The following TRPM3 variants were observed in gnomAD, a reference collection of about 807,000 sequenced individuals.
TRPM3 encodes long transient receptor potential channel 3.
A neutral mutation model predicts 181.2 loss-of-function variants in TRPM3; 77 were observed. The ratio of observed to expected loss-of-function variants is 0.42; its 90% CI spans 0.35 to 0.51. The LOEUF (loss-of-function observed/expected upper bound fraction) is 0.51. TRPM3 is among the 20% of genes least tolerant of loss of function. TRPM3 has a pLI of 0.01. For synonymous variants in TRPM3, 745 were observed against 796.4 expected, an observed-to-expected ratio of 0.94 and a Z score of 1.09; for missense variants, 1,759 against 2,196.7, an observed-to-expected ratio of 0.80 and a Z score of 3.98.
At chr9:71,413,966 T>C (rs1459874203) in intron 1 of TRPM3, among the ~76,000 whole-genome samples, 1 of 152,092 alleles carries the variant, frequency 6.6e-6, no homozygotes, top group African/African-American at 2.4e-5. Context: ...ACCACAGTTA[T>C]TGACATTAAT....
At chr9:70,677,924 T>TC (rs2064425700) in intron 9 of TRPM3, among the ~76,000 whole-genome samples, 1 of 65,506 alleles carries the variant, frequency 1.5e-5, no homozygotes, top group South Asian at 5.4e-4. Context: ...ATAAACAATT[T>TC]TTTTTTTTTT....
rs539537442 is a variant in TRPM3, at chr9:71,182,827, A to G, written c.183+263826T>C. Among the ~76,000 whole-genome samples, 34 of 152,056 alleles carry G rather than the reference A, an allele frequency of 2.2e-4. 1 individual carries two copies. In the South Asian group the frequency reaches 7.1e-3, roughly 32 times the overall value. The stretch of plus-strand genomic sequence containing the variant: ...CAGGCACGCATCACCACTCTCAGCT[A>G]ATTTTTCTATTTTTAGCAGAGATGG... On this transcript the variant is annotated intron_variant, in intron 1 of 24. Coordinates refer to the TRPM3 transcript ENST00000357533.
chr9:70,818,393 T>G (rs2092885617), intron 6 of TRPM3, among the ~76,000 whole-genome samples: 1 of 152,240 alleles, frequency 6.6e-6, no homozygotes, highest in South Asian at 2.1e-4. Flanking sequence ...ATTTATTAAA[T>G]GATATCCTGG....
At chr9:71,012,541 A>C (rs953302414) in intron 1 of TRPM3, among the ~76,000 whole-genome samples, 7 of 152,006 alleles carry the variant, frequency 4.6e-5, no homozygotes, top group Admixed American at 4.6e-4. Flanking sequence ...AGGAAGAATA[A>C]AATTTAATGT....
At chr9:70,792,211 C>T (rs2085616274) in intron 6 of TRPM3, among the ~76,000 whole-genome samples, 1 of 152,096 alleles carries the variant, frequency 6.6e-6, no homozygotes. Flanking sequence ...ATTTGCTTTC[C>T]TGGGATTGAA....
intron 1 of TRPM3, among the ~76,000 whole-genome samples, chr9:71,260,850 T>C (rs557317788): frequency 6.6e-6 from 1 of 152,368 alleles, no homozygotes; most frequent in South Asian, 2.1e-4. Context: ...ACTTCCCCTT[T>C]TCCTATTTGA....
chr9:70,916,950 C>T (rs2096601878), intron 1 of TRPM3: 1 of 1,362,796 alleles, frequency 7.3e-7, no homozygotes, highest in Non-Finnish European at 1.0e-6. Flanking sequence ...TGCAAATTGG[C>T]TTAGGCTTTC....
chr9:71,064,790 T>A (rs1399040176), intron 1 of TRPM3, among the ~76,000 whole-genome samples: 2 of 152,154 alleles, frequency 1.3e-5, no homozygotes, highest in Non-Finnish European at 2.9e-5. Context: ...GACTAAATAT[T>A]TGAGCCAAAA....
chr9:70,996,161 A>G (rs1012309454), intron 1 of TRPM3, among the ~76,000 whole-genome samples: 3 of 152,226 alleles, frequency 2.0e-5, no homozygotes, highest in African/African-American at 7.2e-5. Context: ...GTGAATAATC[A>G]ATGATATCTT....
chr9:71,426,088 G>T (rs527481202), intron 1 of TRPM3, among the ~76,000 whole-genome samples: 37 of 152,044 alleles, frequency 2.4e-4, no homozygotes, highest in Non-Finnish European at 4.4e-4. Context: ...TCACAATTAG[G>T]TTTCATCTAC....
At chr9:71,237,829 T>C (rs577171938) in intron 1 of TRPM3, among the ~76,000 whole-genome samples, 1 of 152,314 alleles carries the variant, frequency 6.6e-6, no homozygotes, top group African/African-American at 2.4e-5. Flanking sequence ...GCCTTCTTGC[T>C]GCTACCTTAC....
At position 70,681,365 on chromosome 9, in the gene TRPM3, T is replaced by C. The variant is rs77038149; in HGVS notation, c.1345+141A>G. ...GGAGAATTTAATAGCAGTAACTGTC[T>C]TACAGGAGAGACCCCTATGTTATCA... is the stretch of plus-strand genomic sequence containing the variant. On this transcript the variant is annotated intron_variant, in intron 9 of 25. Transcript: ENST00000677713. The C allele has an allele frequency of 1.0e-3, 669 of 667,386 alleles. 3 individuals are homozygous for C. The African/African-American group carries it at 0.01, about 10-fold the overall frequency. 41.3% of individuals were successfully genotyped at this position (667,386 alleles called of 1,614,324 possible). A position where few individuals can be genotyped will look rare whatever the true frequency, so the allele number is the denominator to read the frequency against.
intron 1 of TRPM3, among the ~76,000 whole-genome samples, chr9:71,173,778 TTTTAA>T (rs1473293457): frequency 6.6e-6 from 1 of 152,236 alleles, no homozygotes; most frequent in African/African-American, 2.4e-5. Context: ...TTGAATCAAC[TTTTAA>T]TTTGTTTTTA....
chr9:70,921,114 C>G (rs754013341), intron 1 of TRPM3, among the ~76,000 whole-genome samples: 4 of 152,180 alleles, frequency 2.6e-5, no homozygotes, highest in African/African-American at 7.2e-5. Flanking sequence ...TGCTCACGTC[C>G]TCTTCATTCC....
intron 8 of TRPM3, among the ~76,000 whole-genome samples, chr9:70,684,372 A>C (rs1030667748): frequency 6.6e-6 from 1 of 152,178 alleles, no homozygotes; most frequent in African/African-American, 2.4e-5. Flanking sequence ...CTGGTTTCAG[A>C]ACCCAAGGAC....
chr9:71,163,363 T>C (rs985736085), intron 1 of TRPM3, among the ~76,000 whole-genome samples: 1 of 152,050 alleles, frequency 6.6e-6, no homozygotes, highest in Non-Finnish European at 1.5e-5. Context: ...GGTAGATTGA[T>C]GAGACTGATG....
intron 1 of TRPM3, among the ~76,000 whole-genome samples, chr9:70,943,841 G>A (rs931543595): frequency 6.6e-6 from 1 of 151,984 alleles, no homozygotes; most frequent in East Asian, 1.9e-4. Context: ...GCATGATCTC[G>A]GCTTCTTGGC....
chr9:71,323,534 C>A (rs867579368), intron 1 of TRPM3, among the ~76,000 whole-genome samples: 8 of 152,018 alleles, frequency 5.3e-5, no homozygotes, highest in African/African-American at 1.9e-4. Flanking sequence ...AAGCTTTCCA[C>A]CCAAAACTGC....
chr9:71,252,617 C>T (rs573604790), intron 1 of TRPM3, among the ~76,000 whole-genome samples: 2 of 152,216 alleles, frequency 1.3e-5, no homozygotes, highest in African/African-American at 4.8e-5. Context: ...ATGGGAGAAA[C>T]AGCCCACAAA....
Sources: allele counts gnomAD v4.1 joint callset (sites outside exome capture counted in the v4.1 genomes callset), GRCh38; gene constraint gnomAD v4.1.1; transcripts MANE v1.5; gene names NCBI Gene and HGNC (gene_info 2026-07-23, HGNC 2026-07-21).